NXPE2: variants seen among roughly 807,000 people sequenced by gnomAD.
NXPE2 encodes the protein NXPE family member 2.
A neutral mutation model predicts 34.4 loss-of-function variants in NXPE2; 34 were observed. The observed-to-expected ratio is 0.99, with a 90% CI of 0.75 to 1.31. NXPE2 has a LOEUF of 1.31. Ranked by LOEUF, NXPE2 falls within the 40% of genes most tolerant of loss-of-function variation. The pLI, the probability that NXPE2 is intolerant of heterozygous loss-of-function variation, is 0.00. For missense variants in NXPE2, 649 were observed against 672.5 expected (o/e 0.97, Z 0.39); for synonymous variants, 235 against 231.3 (o/e 1.02, Z -0.15).
At chr11:114,509,753 C>T in the NXPE2 span, among the ~76,000 whole-genome samples, 1 of 152,086 alleles carries the variant, frequency 6.6e-6, no homozygotes, top group Non-Finnish European at 1.5e-5. Flanking sequence ...GGGGACAACA[C>T]ACACAGGGGC....
At chr11:114,772,960 G>C in the NXPE2 span, among the ~76,000 whole-genome samples, 1 of 152,142 alleles carries the variant, frequency 6.6e-6, no homozygotes, top group Non-Finnish European at 1.5e-5. Flanking sequence ...TGGAGGGCAT[G>C]CATGAAAATA....
At chr11:114,747,608 T>A in the NXPE2 span, among the ~76,000 whole-genome samples, 146 of 152,222 alleles carry the variant, frequency 9.6e-4, no homozygotes, top group African/African-American at 3.4e-3. Context: ...TCTTACACAG[T>A]GGCAGGAGAG....
chr11:114,805,711 T>A, the NXPE2 span, among the ~76,000 whole-genome samples: 1 of 152,160 alleles, frequency 6.6e-6, no homozygotes, highest in African/African-American at 2.4e-5. Context: ...TTGAACTGGG[T>A]GGAGCCCACC....
At chr11:114,593,681 C>A in the NXPE2 span, among the ~76,000 whole-genome samples, 1 of 151,976 alleles carries the variant, frequency 6.6e-6, no homozygotes, top group Admixed American at 6.6e-5. Context: ...GGTATATACC[C>A]AAAATAAAGG....
At chr11:114,745,225 G>C in the NXPE2 span, among the ~76,000 whole-genome samples, 144,806 of 152,228 alleles carry the variant, frequency 0.95, 69,286 homozygotes, top group East Asian at 1. Flanking sequence ...GTTTATTTGG[G>C]TCACAGTTCT....
chr11:114,582,681 G>T, the NXPE2 span: 20 of 1,614,126 alleles, frequency 1.2e-5, no homozygotes, highest in Admixed American at 1.7e-5. Flanking sequence ...TGCCATCAGC[G>T]CTGGGGAAGA....
the NXPE2 span, chr11:114,583,083 A>T: frequency 6.6e-7 from 1 of 1,510,646 alleles, no homozygotes; most frequent in Non-Finnish European, 8.9e-7. Context: ...AACTGAAATG[A>T]CAGGAAGTGT....
At chr11:114,774,540 C>G in the NXPE2 span, among the ~76,000 whole-genome samples, 2 of 152,190 alleles carry the variant, frequency 1.3e-5, no homozygotes, top group South Asian at 2.1e-4. Flanking sequence ...GTGTGTCCTT[C>G]GGAGGAGGGC....
At chr11:114,512,040 A>G in the NXPE2 span, among the ~76,000 whole-genome samples, 11 of 152,284 alleles carry the variant, frequency 7.2e-5, no homozygotes, top group South Asian at 2.1e-3. Context: ...AAACAGTTAA[A>G]ATAATTCAAA....
the NXPE2 span, among the ~76,000 whole-genome samples, chr11:114,532,777 GGT>G: frequency 2.0e-5 from 3 of 152,214 alleles, no homozygotes; most frequent in Non-Finnish European, 1.5e-5. Context: ...AATATATACA[GGT>G]GTGTGTGCAT....
chr11:114,582,927 G>A, the NXPE2 span: 5 of 1,614,192 alleles, frequency 3.1e-6, no homozygotes, highest in Non-Finnish European at 4.2e-6. Flanking sequence ...CTCTGTTAGT[G>A]GCTTTAATGA....
At chr11:114,683,419 G>A (rs896020879) in intron 2 of NXPE2, among the ~76,000 whole-genome samples, 2 of 110,950 alleles carry the variant, frequency 1.8e-5, no homozygotes, top group African/African-American at 7.1e-5. Flanking sequence ...CCTTTATAGA[G>A]TCAAAGTTTT....
At chr11:114,753,780 A>G in the NXPE2 span, among the ~76,000 whole-genome samples, 1 of 152,244 alleles carries the variant, frequency 6.6e-6, no homozygotes, top group African/African-American at 2.4e-5. Flanking sequence ...CTTCTATTGA[A>G]AAGCATTCAC....
the NXPE2 span, among the ~76,000 whole-genome samples, chr11:114,774,884 G>A: frequency 2.0e-5 from 3 of 152,210 alleles, no homozygotes; most frequent in African/African-American, 4.8e-5. Flanking sequence ...TGTCTATGAG[G>A]ACTGTGCGCT....
At chr11:114,737,483 T>C in the NXPE2 span, among the ~76,000 whole-genome samples, 1 of 152,154 alleles carries the variant, frequency 6.6e-6, no homozygotes, top group Non-Finnish European at 1.5e-5. Flanking sequence ...TTTATAAATA[T>C]AATAAGCAAC....
At chr11:114,802,377 T>C in the NXPE2 span, among the ~76,000 whole-genome samples, 1 of 152,206 alleles carries the variant, frequency 6.6e-6, no homozygotes, top group African/African-American at 2.4e-5. Context: ...CTGAATTTCA[T>C]CTTAGAAAAA....
At chr11:114,493,792 A>G in the NXPE2 span, among the ~76,000 whole-genome samples, 2 of 152,108 alleles carry the variant, frequency 1.3e-5, no homozygotes, top group Non-Finnish European at 2.9e-5. Context: ...TGTTTTTACT[A>G]TTATTAATGA....
chr11:114,626,500 T>TC, the NXPE2 span, among the ~76,000 whole-genome samples: 1 of 152,102 alleles, frequency 6.6e-6, no homozygotes, highest in Non-Finnish European at 1.5e-5. Context: ...AGAAAGGACA[T>TC]CCACACCAAA....
At chr11:114,534,525 TA>T in the NXPE2 span, among the ~76,000 whole-genome samples, 2 of 152,228 alleles carry the variant, frequency 1.3e-5, no homozygotes, top group South Asian at 4.1e-4. Context: ...GCAAAGAAGT[TA>T]AAAACTTTGA....
Sources: allele counts gnomAD v4.1 joint callset (sites outside exome capture counted in the v4.1 genomes callset), GRCh38; gene constraint gnomAD v4.1.1; transcripts MANE v1.5; gene names NCBI Gene and HGNC (gene_info 2026-07-23, HGNC 2026-07-21).